The following ADCY3 variants were observed in gnomAD, a reference collection of about 807,000 sequenced individuals.
ADCY3 encodes the protein adenylate cyclase 3, also known as adenylate cyclase type 3.
In ADCY3, 70 loss-of-function variants were observed where a neutral mutation model predicts 119.4. The ratio of observed to expected loss-of-function variants is 0.59; its 90% CI spans 0.48 to 0.72. ADCY3 has a LOEUF of 0.72. ADCY3 is among the 30% of genes least tolerant of loss of function. ADCY3 has a pLI of 0.00. For missense variants in ADCY3, 1,238 were observed against 1,541.6 expected (o/e 0.80, Z 3.30); for synonymous variants, 672 against 621.4 (o/e 1.08, Z -1.21).
At chr2:24,821,320 A>G (rs1306672642) in intron 20 of ADCY3, 197 bp downstream of exon 20, 15 of 692,400 alleles carry the variant, frequency 2.2e-5, no homozygotes, top group Non-Finnish European at 3.5e-5. Flanking sequence ...GGATCATCAC[A>G]TCAGCTGGGT....
In ADCY3 at chr2:24,828,016, T is replaced by C; in HGVS notation, c.2318A>G (p.His773Arg). 1.2e-6 allele frequency: 2 copies of C among 1,614,238 alleles called. No homozygotes were observed. The highest frequency in any genetic ancestry group is 1.7e-6 in the Non-Finnish European group (2 of 1,180,044). ...IATIMLVQVS[H>R]MVKLTLMLLV... ...CAGCATGAGCGTGAGCTTCACCATG[T>C]GGCTGACCTGCACCAGCATGATGGT... is the stretch of plus-strand genomic sequence containing the variant. The change falls in exon 14 of 22, where the codon CAC becomes CGC. Residue 773 changes from histidine (H) to arginine (R), a missense_variant. Physicochemically the swap from His to Arg is conservative, Grantham distance 29. Around this residue, in one of 7 missense-constraint regions of ADCY3, gnomAD observed 499 missense variants for 571.0 expected, o/e 0.87. Transcript: ENST00000679454.
intron 15 of ADCY3, 112 bp downstream of exon 15, chr2:24,827,434 C>T (rs1668778628): frequency 1.3e-5 from 15 of 1,164,890 alleles, no homozygotes; most frequent in South Asian, 5.4e-5. Flanking sequence ...CTGCACGTAT[C>T]AGGTCACGTG....
At chr2:24,856,729 C>T (rs921200577) in intron 3 of ADCY3, among the ~76,000 whole-genome samples, 1 of 152,216 alleles carries the variant, frequency 6.6e-6, no homozygotes, top group Admixed American at 6.5e-5. Flanking sequence ...ACCTCAGTCA[C>T]TCGAAGGACA....
At chr2:24,896,164 T>C (rs1678248865) in intron 2 of ADCY3, among the ~76,000 whole-genome samples, 2 of 152,102 alleles carry the variant, frequency 1.3e-5, no homozygotes, top group African/African-American at 4.8e-5. Flanking sequence ...GATGGGCAGA[T>C]CATGAAGTCG....
In ADCY3 at chr2:24,834,537, A is replaced by T. The variant is rs1214893210; in HGVS notation, c.1915T>A (p.Ser639Thr). The T allele has an allele frequency of 6.2e-7, 1 of 1,613,792 alleles. No homozygotes were observed. Among genetic ancestry groups the T allele is most frequent in the Admixed American group, 1.7e-5 (1 of 60,012 alleles). The change falls in exon 11 of 22, where the codon TCC becomes ACC. Residue 639 changes from serine (S) to threonine (T), a missense_variant. Physicochemically the swap from Ser to Thr is moderately conservative, Grantham distance 58. This residue lies in a region of ADCY3 where 499 missense variants were observed against 571.0 expected (regional missense o/e 0.87). Transcript: ENST00000679454. The surrounding 1 kb of genome is among the most constrained non-coding windows in gnomAD (Gnocchi z 4.2). ...EKQSGAAFSC[S>T]CVVLLCTALV... The stretch of plus-strand genomic sequence containing the variant: ...GCCGTGCAGAGCAGGACGACGCAGG[A>T]GCAGCTGAAGGCAGCCCCACTCTGC...
intron 2 of ADCY3, among the ~76,000 whole-genome samples, chr2:24,873,656 G>A (rs1053544564): frequency 6.6e-6 from 1 of 152,178 alleles, no homozygotes; most frequent in African/African-American, 2.4e-5. Context: ...GCCATGCCTG[G>A]GCCCCAACAT....
intron 2 of ADCY3, among the ~76,000 whole-genome samples, chr2:24,900,891 C>G (rs964892039): frequency 3.3e-5 from 5 of 152,038 alleles, no homozygotes; most frequent in Non-Finnish European, 7.4e-5. Flanking sequence ...ATGGTGAAAC[C>G]CCATCTCTAC....
rs1289254537 is a variant in ADCY3 at position 24,898,778 on chromosome 2, G to C, written c.675+19535C>G. On this transcript the variant is annotated intron_variant, in intron 2 of 21. Coordinates refer to ENST00000679454, the MANE Select transcript of ADCY3 (RefSeq NM_004036.5). The surrounding 1 kb of genome is among the most constrained non-coding windows in gnomAD (Gnocchi z 4.3). ...TCGGGGAAGCAAACAGAATTCCTAA[G>C]ACTGGGAGAACAAAAGCAAAATTTA... 6.6e-6 allele frequency among the ~76,000 whole-genome samples: 1 copy of C among 152,156 alleles called. No homozygotes were observed. The highest frequency in any genetic ancestry group is 2.4e-5 in the African/African-American group (1 of 41,442).
chr2:24,891,082 C>A (rs1310780370), intron 2 of ADCY3, among the ~76,000 whole-genome samples: 3 of 152,070 alleles, frequency 2.0e-5, no homozygotes, highest in Admixed American at 6.6e-5. Flanking sequence ...GTTGGCCAGG[C>A]TGGTCTCGAA....
chr2:24,869,125 G>T (rs1674664139), intron 3 of ADCY3, among the ~76,000 whole-genome samples: 1 of 152,016 alleles, frequency 6.6e-6, no homozygotes, highest in African/African-American at 2.4e-5. Flanking sequence ...TAGCAAGACT[G>T]ATTAAGAAAA....
chr2:24,845,480 G>C (rs1671556556), intron 3 of ADCY3, among the ~76,000 whole-genome samples: 1 of 152,238 alleles, frequency 6.6e-6, no homozygotes, highest in Non-Finnish European at 1.5e-5. Context: ...CCCTGCCCTA[G>C]AGATTTGTGG....
At chr2:24,905,268 G>C (rs1679337083) in intron 2 of ADCY3, among the ~76,000 whole-genome samples, 1 of 151,882 alleles carries the variant, frequency 6.6e-6, no homozygotes, top group Non-Finnish European at 1.5e-5. Context: ...CGAGTAGCTG[G>C]GACTACAGGC....
chr2:24,841,557 G>C lies in ADCY3; in HGVS notation c.1067C>G (p.Ala356Gly). ...ELFARFDKLA[A>G]KYHQLRIKIL... Reference sequence around the variant, plus strand: ...AGCCAGGCGGGGCCAGGGACTTACAGCTGCCAGCTTGTCAAAGCGGGCAAA... The same window carrying C: ...AGCCAGGCGGGGCCAGGGACTTACACCTGCCAGCTTGTCAAAGCGGGCAAA... The change falls in exon 5 of 22, where the codon GCT becomes GGT. Residue 356 changes from alanine (A) to glycine (G), a missense_variant and splice_region_variant. By Grantham distance (60) the Ala-to-Gly change is moderately conservative. Around this residue, in one of 7 missense-constraint regions of ADCY3, gnomAD observed 283 missense variants for 437.2 expected, o/e 0.65. Coordinates refer to ENST00000679454, the MANE Select transcript of ADCY3 (RefSeq NM_004036.5). This position sits in a 1 kb window ranked among gnomAD's most constrained non-coding sequence, Gnocchi z 5.8. 1 of 1,612,166 alleles carries C rather than the reference G, an allele frequency of 6.2e-7. No individual in the cohort carries two copies. Among genetic ancestry groups the C allele is most frequent in the Non-Finnish European group, 8.5e-7 (1 of 1,179,424 alleles).
intron 3 of ADCY3, among the ~76,000 whole-genome samples, chr2:24,850,719 C>A (rs1672192162): frequency 6.6e-6 from 1 of 152,210 alleles, no homozygotes; most frequent in Non-Finnish European, 1.5e-5. Flanking sequence ...TGACTTAACC[C>A]TTGTGGAAAA....
intron 2 of ADCY3, among the ~76,000 whole-genome samples, chr2:24,895,557 T>C (rs1298894739): frequency 6.6e-6 from 1 of 152,184 alleles, no homozygotes; most frequent in Admixed American, 6.5e-5. Flanking sequence ...TTAGGGTCTG[T>C]TATATTGTCC....
Position 24,842,363 on chromosome 2 carries a change from G to A in ADCY3, c.847C>T (p.Leu283=). 1 of 1,614,182 alleles carries A rather than the reference G, an allele frequency of 6.2e-7. No individual in the cohort carries two copies. The highest frequency in any genetic ancestry group is 8.5e-7 in the Non-Finnish European group (1 of 1,180,040). ...QQQENLMLSI[L]PKHVADEMLK... is the part of the protein sequence containing the mutation. ...ATCTCGTCAGCCACGTGCTTGGGCAGGATGGAAAGCATGAGGTTCTCCTGT... is the reference window on the plus strand; with the variant it reads ...ATCTCGTCAGCCACGTGCTTGGGCAAGATGGAAAGCATGAGGTTCTCCTGT... The change falls in exon 4 of 22, where the codon CTG becomes TTG. Residue 283 remains leucine, a synonymous_variant. Transcript: ENST00000679454. This position sits in a 1 kb window ranked among gnomAD's most constrained non-coding sequence, Gnocchi z 4.9.
chr2:24,819,215 A>G lies in ADCY3; in HGVS notation c.*717T>C, dbSNP rs1214570377. 2 of 152,684 alleles carry G rather than the reference A, an allele frequency of 1.3e-5. No homozygotes were observed. The allele number at this position is 152,684 out of a possible 1,614,324, so 9.5% of individuals were successfully genotyped here. A position where few individuals can be genotyped will look rare whatever the true frequency, so the allele number is the denominator to read the frequency against. ...TAATAAAACAGTCTTGTTCTTTATC[A>G]ATACCTGTAAATTCTCTTAAAGCAG... On this transcript the variant is annotated 3_prime_UTR_variant, in exon 22 of 22. Coordinates refer to ENST00000679454, the MANE Select transcript of ADCY3 (RefSeq NM_004036.5).
At chr2:24,851,812 G>C (rs1672323974) in intron 3 of ADCY3, among the ~76,000 whole-genome samples, 1 of 152,114 alleles carries the variant, frequency 6.6e-6, no homozygotes, top group East Asian at 1.9e-4. Context: ...CTGAATAACT[G>C]AAACTCACCA....
chr2:24,859,092 A>G (rs938395776), intron 3 of ADCY3, among the ~76,000 whole-genome samples: 26 of 152,238 alleles, frequency 1.7e-4, no homozygotes, highest in Admixed American at 1.4e-3. Context: ...ATTCGAGGCT[A>G]AAAGAAAAAC....
Sources: gnomAD v4.1 joint callset for allele counts (sites outside exome capture counted in the v4.1 genomes callset) on GRCh38, gnomAD v4.1.1 for gene constraint, gnomAD v4.1.1 regional missense constraint, Gnocchi (gnomAD v3.1) non-coding constraint, MANE v1.5 for transcripts, NCBI Gene and HGNC (gene_info 2026-07-23, HGNC 2026-07-21) for gene names.